The following APBA1 variants were observed in gnomAD, a reference collection of about 807,000 sequenced individuals.
APBA1 encodes amyloid-beta A4 precursor protein-binding family A member 1.
A neutral mutation model predicts 86.6 loss-of-function variants in APBA1; 55 were observed. That is an observed-to-expected ratio of 0.64 (90% confidence interval 0.51 to 0.80). The LOEUF (loss-of-function observed/expected upper bound fraction) is 0.80, where lower values mean the gene tolerates loss of function less well. Ranked by LOEUF, APBA1 falls within the 30% of genes least tolerant of loss-of-function variation. APBA1 has a pLI of 0.00. For synonymous variants in APBA1, 511 were observed against 493.9 expected (o/e 1.03, Z -0.46); for missense variants, 1,090 against 1,183.0 (o/e 0.92, Z 1.15).
intron 1 of APBA1, among the ~76,000 whole-genome samples, chr9:69,629,138 C>A (rs1822990220): frequency 6.6e-6 from 1 of 152,016 alleles, no homozygotes; most frequent in African/African-American, 2.4e-5. Context: ...GAATTGAAAC[C>A]AATTATAACT....
intron 1 of APBA1, among the ~76,000 whole-genome samples, chr9:69,594,179 T>C (rs936574299): frequency 2.0e-5 from 3 of 152,158 alleles, no homozygotes; most frequent in South Asian, 4.1e-4. Context: ...TGTCATATCA[T>C]GGCTGCAGCA....
At chr9:69,653,856 C>A (rs756117890) in intron 1 of APBA1, among the ~76,000 whole-genome samples, 3 of 151,982 alleles carry the variant, frequency 2.0e-5, no homozygotes, top group Non-Finnish European at 4.4e-5. Context: ...ACCTGTAATC[C>A]CAGCACTTTG....
At chr9:69,587,057 T>C (rs879300159) in intron 1 of APBA1, among the ~76,000 whole-genome samples, 15 of 152,250 alleles carry the variant, frequency 9.9e-5, no homozygotes, top group South Asian at 4.1e-4. Context: ...ATAAATCTTA[T>C]ATGCTGTTGT....
intron 1 of APBA1, among the ~76,000 whole-genome samples, chr9:69,553,026 C>A (rs1836811395): frequency 1.3e-5 from 2 of 151,838 alleles, no homozygotes; most frequent in South Asian, 4.2e-4. Context: ...ACCTAAGCCT[C>A]CTGAGTAGCT....
Position 69,549,237 on chromosome 9 carries a change from G to T in APBA1, c.-69-31958C>A, listed in dbSNP as rs540001901. Among the ~76,000 whole-genome samples the T allele has an allele frequency of 4.6e-5, 7 of 152,314 alleles. No individual in the cohort carries two copies. The South Asian group carries it at 1.2e-3, about 27-fold the overall frequency. ...AAGCAAAGGACAGGGCACATTAGTG[G>T]ATGTAAAGAGTGGGCTGGCTGTCAG... On this transcript the variant is annotated intron_variant, in intron 1 of 12. Transcript: ENST00000265381.
chr9:69,622,753 C>A (rs1243082012), intron 1 of APBA1, among the ~76,000 whole-genome samples: 5 of 152,168 alleles, frequency 3.3e-5, no homozygotes, highest in Admixed American at 3.3e-4. Flanking sequence ...CGTCCAAGAA[C>A]AACTTATTCA....
rs764203670 is a variant in APBA1 at position 69,456,265 on chromosome 9, G to A, written c.1770C>T (p.His590=). ...DGKRQYKMIC[H]VFESEDAQLI... is the part of the protein sequence containing the mutation. ...CCCTTACATCCTCAGACTCGAAGAC[G>A]TGGCAGATCATCTTGTACTGCCTTT... Residue 590 remains histidine, a synonymous_variant, in exon 8 of 13, where the codon CAC becomes CAT. Coordinates refer to ENST00000265381, the MANE Select transcript of APBA1 (RefSeq NM_001163.4). 1.1e-5 allele frequency: 18 copies of A among 1,614,112 alleles called. No homozygotes were observed. Among genetic ancestry groups the A allele is most frequent in the Middle Eastern group, 1.6e-4 (1 of 6,084 alleles).
intron 1 of APBA1, among the ~76,000 whole-genome samples, chr9:69,651,393 T>C (rs1823496241): frequency 6.6e-6 from 1 of 152,214 alleles, no homozygotes; most frequent in Non-Finnish European, 1.5e-5. Context: ...TAAAGATTTG[T>C]GTAGTTTATA....
intron 1 of APBA1, among the ~76,000 whole-genome samples, chr9:69,533,572 C>T (rs970603316): frequency 4.6e-5 from 7 of 152,132 alleles, no homozygotes; most frequent in African/African-American, 1.4e-4. Context: ...TTCTTGCTGC[C>T]ATGTTGGTAC....
intron 1 of APBA1, among the ~76,000 whole-genome samples, chr9:69,580,263 T>C (rs1821889386): frequency 1.3e-5 from 2 of 152,168 alleles, no homozygotes; most frequent in African/African-American, 2.4e-5. Flanking sequence ...TGAGTGCTGT[T>C]GTCCATGAGC....
chr9:69,524,031 A>G (rs1192997547), intron 1 of APBA1, among the ~76,000 whole-genome samples: 1 of 152,204 alleles, frequency 6.6e-6, no homozygotes, highest in African/African-American at 2.4e-5. Context: ...CATTCTCTGA[A>G]ATAAATGAAA....
intron 2 of APBA1, among the ~76,000 whole-genome samples, chr9:69,477,043 A>C (rs1174581477): frequency 6.6e-6 from 1 of 152,220 alleles, no homozygotes; most frequent in Non-Finnish European, 1.5e-5. Flanking sequence ...GTGCTTCTGA[A>C]ATCTTGGGAG....
intron 2 of APBA1, among the ~76,000 whole-genome samples, chr9:69,485,922 T>C (rs2133852359): frequency 6.6e-6 from 1 of 152,134 alleles, no homozygotes; most frequent in East Asian, 1.9e-4. Flanking sequence ...GATATAAAAG[T>C]ATCCCAAGGC....
At chr9:69,647,478 TA>T (rs1823414407) in intron 1 of APBA1, among the ~76,000 whole-genome samples, 4 of 152,192 alleles carry the variant, frequency 2.6e-5, no homozygotes, top group African/African-American at 4.8e-5. Flanking sequence ...GCAAGTACTT[TA>T]AAAGCCACAG....
chr9:69,568,843 A>G (rs1837071275), intron 1 of APBA1, among the ~76,000 whole-genome samples: 2 of 152,184 alleles, frequency 1.3e-5, no homozygotes, highest in Admixed American at 1.3e-4. Flanking sequence ...TGATGTGGGG[A>G]AAAAGTTTAG....
intron 9 of APBA1, 91 bp from the exon 10 acceptor site, chr9:69,449,887 A>G (rs923982088): frequency 3.5e-6 from 4 of 1,157,342 alleles, no homozygotes; most frequent in African/African-American, 1.5e-5. Flanking sequence ...TGTCTTGCCT[A>G]AAGAAAGACA....
chr9:69,573,519 A>T (rs1362765023), intron 1 of APBA1, among the ~76,000 whole-genome samples: 1 of 152,254 alleles, frequency 6.6e-6, no homozygotes, highest in Non-Finnish European at 1.5e-5. Flanking sequence ...AATACAATTC[A>T]CAAAATTGTT....
intron 1 of APBA1, among the ~76,000 whole-genome samples, chr9:69,523,501 A>G (rs796135789): frequency 0.058 from 1,824 of 31,284 alleles, 21 homozygotes; most frequent in Non-Finnish European, 0.11. Flanking sequence ...ATATATGTAT[A>G]TATATATATA....
chr9:69,628,197 C>T (rs893316804), intron 1 of APBA1, among the ~76,000 whole-genome samples: 1 of 152,044 alleles, frequency 6.6e-6, no homozygotes, highest in Non-Finnish European at 1.5e-5. Flanking sequence ...CATACAGCCA[C>T]AAAAAATATA....
Sources: gnomAD v4.1 joint callset for allele counts (sites outside exome capture counted in the v4.1 genomes callset) on GRCh38, gnomAD v4.1.1 for gene constraint, MANE v1.5 for transcripts, NCBI Gene and HGNC (gene_info 2026-07-23, HGNC 2026-07-21) for gene names.